EPN2: variants seen among roughly 807,000 people sequenced by gnomAD.
EPN2 encodes the protein epsin-2.
In EPN2, 34 loss-of-function variants were observed where a neutral mutation model predicts 61.7. The ratio of observed to expected loss-of-function variants is 0.55; its 90% confidence interval spans 0.42 to 0.73. The LOEUF is 0.73. EPN2 is among the 30% of genes least tolerant of loss of function. The pLI is 0.00. For missense variants in EPN2, 714 were observed against 839.2 expected, an observed-to-expected ratio of 0.85 and a Z score of 1.84; for synonymous variants, 349 against 353.6, an observed-to-expected ratio of 0.99 and a Z score of 0.15.
chr17:19,246,726 GTT>G (rs764061282), intron 1 of EPN2, among the ~76,000 whole-genome samples: 2 of 113,854 alleles, frequency 1.8e-5, no homozygotes, highest in African/African-American at 6.5e-5. Flanking sequence ...GTTTTGTTTT[GTT>G]TTTTTTTTCC....
intron 1 of EPN2, among the ~76,000 whole-genome samples, chr17:19,279,216 C>T (rs2152215698): frequency 6.6e-6 from 1 of 152,286 alleles, no homozygotes; most frequent in East Asian, 1.9e-4. Context: ...CAGCTTATGT[C>T]TGGGAGGGCA....
chr17:19,322,259 G>A (rs549987311), intron 7 of EPN2, among the ~76,000 whole-genome samples: 7 of 152,274 alleles, frequency 4.6e-5, no homozygotes, highest in African/African-American at 1.4e-4. Flanking sequence ...ATGAGGAAAC[G>A]AAAGGCACAA....
chr17:19,248,754 A>G (rs901423956), intron 1 of EPN2, among the ~76,000 whole-genome samples: 2 of 152,196 alleles, frequency 1.3e-5, no homozygotes, highest in African/African-American at 4.8e-5. Context: ...TTACATTTCA[A>G]AATAGTTTTT....
At chr17:19,328,199 C>T (rs1206298729) in intron 7 of EPN2, among the ~76,000 whole-genome samples, 1 of 152,128 alleles carries the variant, frequency 6.6e-6, no homozygotes, top group East Asian at 1.9e-4. Flanking sequence ...TTATACAGGA[C>T]TCATCCATTT....
intron 1 of EPN2, among the ~76,000 whole-genome samples, chr17:19,281,104 G>T (rs2045354777): frequency 6.6e-6 from 1 of 152,188 alleles, no homozygotes; most frequent in South Asian, 2.1e-4. Context: ...ACCTTTGTGT[G>T]TTCAGCCATC....
rs930886248 is a variant in EPN2 at position 19,335,175 on chromosome 17, A to T, written c.*921A>T. 15 of 320,126 alleles carry T rather than the reference A, an allele frequency of 4.7e-5. No individual in the cohort carries two copies. Among genetic ancestry groups the T allele is most frequent in the Non-Finnish European group, 5.1e-5 (9 of 175,482 alleles). The allele number at this position is 320,126 out of a possible 1,614,324, so 19.8% of individuals were successfully genotyped here. A position where few individuals can be genotyped will look rare whatever the true frequency, so the allele number is the denominator to read the frequency against. The stretch of plus-strand genomic sequence containing the variant: ...TACACATAGATGATGATGTTTATTT[A>T]AAAAAAAAACAACAGCAACAAAAAA... On this transcript the variant is annotated 3_prime_UTR_variant, in exon 11 of 11. Transcript: ENST00000314728.
At chr17:19,291,078 A>G (rs982872574) in intron 4 of EPN2, among the ~76,000 whole-genome samples, 1 of 152,256 alleles carries the variant, frequency 6.6e-6, no homozygotes, top group Non-Finnish European at 1.5e-5. Context: ...GTTGGCTTAT[A>G]AAACACATGC....
At chr17:19,266,551 C>T (rs1338628116) in intron 1 of EPN2, among the ~76,000 whole-genome samples, 10 of 151,934 alleles carry the variant, frequency 6.6e-5, no homozygotes, top group Non-Finnish European at 1.0e-4. Flanking sequence ...TACAGGCGCC[C>T]GCTACCACGC....
At chr17:19,256,322 G>A (rs1466821819) in intron 1 of EPN2, among the ~76,000 whole-genome samples, 2 of 148,154 alleles carry the variant, frequency 1.3e-5, no homozygotes, top group East Asian at 4.1e-4. Flanking sequence ...GTGATGGCTT[G>A]CACCCATTAT....
chr17:19,329,764 T>C, intron 9 of EPN2, 117 bp downstream of exon 9: 1 of 655,860 alleles, frequency 1.5e-6, no homozygotes, highest in Non-Finnish European at 2.7e-6. Flanking sequence ...CTTTGTATTT[T>C]GATCTTGGGA....
intron 4 of EPN2, chr17:19,308,145 C>G: frequency 1.7e-6 from 1 of 574,372 alleles, no homozygotes; most frequent in South Asian, 7.6e-5. Flanking sequence ...TTGATCTTGG[C>G]TCACTGCAAC....
At chr17:19,289,724 G>GTTTTGTTTTGTTTTTTTTTTTT (rs772230550) in intron 4 of EPN2, among the ~76,000 whole-genome samples, 1 of 78,048 alleles carries the variant, frequency 1.3e-5, no homozygotes, top group Admixed American at 1.9e-4. Flanking sequence ...GGCGCTCATG[G>GTTTTGTTTTGTTTTTTTTTTTT]TTTTTTTTTT....
chr17:19,318,249 A>C (rs781738136), intron 7 of EPN2, among the ~76,000 whole-genome samples: 1 of 152,194 alleles, frequency 6.6e-6, no homozygotes, highest in Non-Finnish European at 1.5e-5. Context: ...TGTGTGGGCT[A>C]TAAGAGTAGG....
chr17:19,316,877 G>A (rs1357119669), intron 7 of EPN2, among the ~76,000 whole-genome samples: 1 of 151,960 alleles, frequency 6.6e-6, no homozygotes, highest in East Asian at 2.0e-4. Flanking sequence ...TTTTCTCAGT[G>A]GTGGTGTTGA....
chr17:19,264,914 C>T (rs1295944242), intron 1 of EPN2, among the ~76,000 whole-genome samples: 2 of 151,756 alleles, frequency 1.3e-5, no homozygotes, highest in East Asian at 1.9e-4. Context: ...GAGGGAAAGC[C>T]GGAAGCCCAG....
Position 19,334,022 on chromosome 17 carries a change from A to G in EPN2, c.1694A>G (p.Asn565Ser). Reference sequence around the variant, plus strand: ...AACCAGCCCCAGCCGCTGACACTGAACCAGCTTCGGGGGAGCCCAGTCCTG... The same window carrying G: ...AACCAGCCCCAGCCGCTGACACTGAGCCAGCTTCGGGGGAGCCCAGTCCTG... The part of the protein sequence containing the change: ...QVNQPQPLTL[N>S]QLRGSPVLGT... The change falls in exon 11 of 11, where the codon AAC (asparagine) becomes AGC (serine). Residue 565 changes from asparagine (N) to serine (S), a missense_variant. Physicochemically the swap from Asn to Ser is conservative, Grantham distance 46. This residue lies in a region of EPN2 where 410 missense variants were observed against 421.8 expected (regional missense o/e 0.97). Coordinates refer to ENST00000314728, the MANE Select transcript of EPN2 (RefSeq NM_014964.5). This position sits in a 1 kb window ranked among gnomAD's most constrained non-coding sequence, Gnocchi z 4.9. 1.2e-6 allele frequency: 2 copies of G among 1,600,222 alleles called. No homozygotes were observed. The highest frequency in any genetic ancestry group is 8.5e-7 in the Non-Finnish European group (1 of 1,171,270).
At chr17:19,277,794 C>T (rs571728540) in intron 1 of EPN2, among the ~76,000 whole-genome samples, 8 of 152,258 alleles carry the variant, frequency 5.3e-5, no homozygotes, top group East Asian at 1.9e-4. Flanking sequence ...AAGCTTTGGC[C>T]GGGCGCGGTG....
chr17:19,299,900 C>G (rs1321407153), intron 4 of EPN2, among the ~76,000 whole-genome samples: 4 of 152,180 alleles, frequency 2.6e-5, no homozygotes, highest in African/African-American at 4.8e-5. Flanking sequence ...AAGTTAGAGC[C>G]ATTATTTGTT....
At chr17:19,244,992 A>G (rs4073003) in intron 1 of EPN2, among the ~76,000 whole-genome samples, 59,317 of 151,920 alleles carry the variant, frequency 0.39, 18,902 homozygotes, top group East Asian at 0.88. Context: ...CCTCACAACA[A>G]CCCCAAGAGG....
Sources: allele counts gnomAD v4.1 joint callset (sites outside exome capture counted in the v4.1 genomes callset), GRCh38; gene constraint gnomAD v4.1.1; regional missense constraint gnomAD v4.1.1; non-coding constraint Gnocchi (gnomAD v3.1); transcripts MANE v1.5; gene names NCBI Gene and HGNC (gene_info 2026-07-23, HGNC 2026-07-21).